Variants in ACVR2A observed in about 807,000 individuals in gnomAD.
The protein encoded by ACVR2A is activin receptor type-2A.
ACVR2A carries 7 observed loss-of-function variants against 61.4 expected under a neutral mutation model. The ratio of observed to expected loss-of-function variants is 0.11; its 90% CI spans 0.06 to 0.21. ACVR2A has a LOEUF of 0.21. ACVR2A is among the 10% of genes least tolerant of loss of function. ACVR2A has a pLI of 1.00. For synonymous variants in ACVR2A, 193 were observed against 208.3 expected (o/e 0.93, Z 0.63); for missense variants, 322 against 621.7 (o/e 0.52, Z 5.13).
At chr2:147,897,533 A>G (rs1686768201) in intron 2 of ACVR2A, among the ~76,000 whole-genome samples, 3 of 152,178 alleles carry the variant, frequency 2.0e-5, no homozygotes, top group African/African-American at 7.2e-5. Context: ...GAAGACAGGC[A>G]GAAGCTGTGA....
chr2:147,859,539 A>G (rs895715591), intron 1 of ACVR2A, among the ~76,000 whole-genome samples: 3 of 151,996 alleles, frequency 2.0e-5, no homozygotes, highest in African/African-American at 7.3e-5. Flanking sequence ...CACCCATAGC[A>G]TAGTATTGTT....
chr2:147,889,467 G>T (rs149048420), intron 1 of ACVR2A, among the ~76,000 whole-genome samples: 2 of 152,046 alleles, frequency 1.3e-5, no homozygotes, highest in African/African-American at 4.8e-5. Flanking sequence ...ACTTTTGGCC[G>T]GGCGCAGTGG....
intron 1 of ACVR2A, among the ~76,000 whole-genome samples, chr2:147,878,384 T>C (rs1686211816): frequency 6.6e-6 from 1 of 152,142 alleles, no homozygotes; most frequent in African/African-American, 2.4e-5. Context: ...TTGAAAGGTG[T>C]TGGGTTGAGA....
chr2:147,850,166 C>G (rs1161105991), intron 1 of ACVR2A, among the ~76,000 whole-genome samples: 2 of 152,114 alleles, frequency 1.3e-5, no homozygotes, highest in African/African-American at 4.8e-5. Flanking sequence ...CCATTTTCCT[C>G]CCTTCTTTGT....
At chr2:147,847,772 T>G (rs1685349370) in intron 1 of ACVR2A, among the ~76,000 whole-genome samples, 1 of 152,242 alleles carries the variant, frequency 6.6e-6, no homozygotes, top group South Asian at 2.1e-4. Flanking sequence ...TTTTCATTCC[T>G]CTCATACTTT....
intron 1 of ACVR2A, among the ~76,000 whole-genome samples, chr2:147,869,385 A>G (rs1685954864): frequency 6.6e-6 from 1 of 152,116 alleles, no homozygotes; most frequent in Admixed American, 6.6e-5. Flanking sequence ...TTAAGCCAAT[A>G]ATCTAGTTTA....
chr2:147,893,005 C>A (rs1337127694), intron 1 of ACVR2A, among the ~76,000 whole-genome samples: 1 of 152,056 alleles, frequency 6.6e-6, no homozygotes, highest in Admixed American at 6.6e-5. Flanking sequence ...ATAATACACC[C>A]TAGTCAAGGC....
intron 1 of ACVR2A, among the ~76,000 whole-genome samples, chr2:147,854,001 G>A (rs774091586): frequency 2.6e-5 from 4 of 152,130 alleles, no homozygotes; most frequent in Non-Finnish European, 5.9e-5. Flanking sequence ...AGCTGGTCCA[G>A]AGTAGATCTT....
chr2:147,845,239 G>C (rs1483586710), intron 1 of ACVR2A, 32 bp downstream of exon 1: 2 of 1,604,768 alleles, frequency 1.2e-6, no homozygotes, highest in Non-Finnish European at 8.5e-7. Context: ...CGGTGGGGCT[G>C]CTCCTGCGGC....
At chr2:147,891,454 C>G (rs1030585293) in intron 1 of ACVR2A, among the ~76,000 whole-genome samples, 3 of 151,234 alleles carry the variant, frequency 2.0e-5, no homozygotes. Flanking sequence ...TGGCAGACCG[C>G]ACAACCTATG....
intron 1 of ACVR2A, among the ~76,000 whole-genome samples, chr2:147,857,961 C>T (rs13034494): frequency 0.28 from 42,796 of 151,836 alleles, 6,467 homozygotes; most frequent in East Asian, 0.46. Flanking sequence ...AGTTATTTTT[C>T]CTGATCCTCT....
chr2:147,913,902 T>A (rs1195658493), intron 4 of ACVR2A, among the ~76,000 whole-genome samples: 1 of 147,530 alleles, frequency 6.8e-6, no homozygotes, highest in African/African-American at 2.5e-5. Context: ...TCTTACTGTT[T>A]AAACAGGAAT....
At position 147,899,774 on chromosome 2, in the gene ACVR2A, C is replaced by G; in HGVS notation, c.404C>G (p.Pro135Arg). The G allele has an allele frequency of 1.2e-6, 2 of 1,613,618 alleles. No individual in the cohort carries two copies. Among genetic ancestry groups the G allele is most frequent in the Non-Finnish European group, 1.7e-6 (2 of 1,179,692 alleles). The change falls in exon 4 of 11, where the codon CCC (proline) becomes CGC (arginine). Residue 135 changes from proline (P) to arginine (R), a missense_variant. Physicochemically the swap from Pro to Arg is moderately radical, Grantham distance 103. Transcript: ENST00000241416. ...TCAAATCCAGTTACACCTAAGCCAC[C>G]CTATTACAACATCCTGCTCTATTCC... ...PTSNPVTPKP[P>R]YYNILLYSLV...
At chr2:147,860,408 T>G (rs1449628697) in intron 1 of ACVR2A, among the ~76,000 whole-genome samples, 1 of 151,916 alleles carries the variant, frequency 6.6e-6, no homozygotes, top group Non-Finnish European at 1.5e-5. Context: ...CAAGCAGAAG[T>G]CTTGGCTGTG....
Position 147,883,998 on chromosome 2 carries a change from T to A in ACVR2A, c.56-12303T>A, listed in dbSNP as rs116661180. 4.0e-3 allele frequency among the ~76,000 whole-genome samples: 604 copies of A among 152,290 alleles called. 10 individuals carry two copies. Among genetic ancestry groups the A allele is most frequent in the African/African-American group, 0.014 (563 of 41,562 alleles). On this transcript the variant is annotated intron_variant, in intron 1 of 10. Coordinates refer to ENST00000241416, the MANE Select transcript of ACVR2A (RefSeq NM_001616.5). The stretch of plus-strand genomic sequence containing the variant: ...GCACTAAACAAACCCTTAATGTAGG[T>A]AGTGTCTTTTCAGTGTAATTGACAC...
chr2:147,930,347 G>GTT lies in ACVR2A; in HGVS notation c.*3079_*3080dup, dbSNP rs1046712692. ...GTTTAGTGGAATAAACTGATTACTGGTTTTTTTGTTTTTTTTTTTTTTTTT... is the reference window on the plus strand; with the variant it reads ...GTTTAGTGGAATAAACTGATTACTGGTTTTTTTTTGTTTTTTTTTTTTTTTTT... On this transcript the variant is annotated 3_prime_UTR_variant, in exon 11 of 11. Coordinates refer to ENST00000241416, the MANE Select transcript of ACVR2A (RefSeq NM_001616.5). 2 of 121,934 alleles carry GTT rather than the reference G, an allele frequency of 1.6e-5. No individual in the cohort carries two copies. The highest frequency in any genetic ancestry group is 2.5e-4 in the South Asian group (1 of 3,924). 7.6% of individuals were successfully genotyped at this position (121,934 alleles called of 1,614,324 possible). A position where few individuals can be genotyped will look rare whatever the true frequency, so the allele number is the denominator to read the frequency against.
intron 1 of ACVR2A, among the ~76,000 whole-genome samples, chr2:147,871,137 G>C (rs1461073009): frequency 6.6e-6 from 1 of 151,974 alleles, no homozygotes; most frequent in Admixed American, 6.6e-5. Flanking sequence ...TACAAGCTCA[G>C]TCTCCTGTCC....
In ACVR2A at chr2:147,903,523, T is replaced by C. The variant is rs115752514; in HGVS notation, c.528+3625T>C. Among the ~76,000 whole-genome samples the C allele has an allele frequency of 7.8e-3, 1,190 of 152,066 alleles. 13 individuals are homozygous for C. Among genetic ancestry groups the C allele is most frequent in the Admixed American group, 0.033 (507 of 15,238 alleles). On this transcript the variant is annotated intron_variant, in intron 4 of 10. Transcript: ENST00000241416. ...ACTATTGCCAGAATAGCATTTTACATGTTTGATTATGTTACTTATGTGCTT... is the reference window on the plus strand; with the variant it reads ...ACTATTGCCAGAATAGCATTTTACACGTTTGATTATGTTACTTATGTGCTT...
Position 147,917,517 on chromosome 2 carries a change from A to G in ACVR2A, c.816+91A>G, listed in dbSNP as rs1191909437. 4 of 1,349,340 alleles carry G rather than the reference A, an allele frequency of 3.0e-6. No individual in the cohort carries two copies. The Middle Eastern group carries it at 5.5e-4, about 184-fold the overall frequency. The allele number at this position is 1,349,340 out of a possible 1,614,324, so 83.6% of individuals were successfully genotyped here. A position where few individuals can be genotyped will look rare whatever the true frequency, so the allele number is the denominator to read the frequency against. ...AAATCCCTCAGAGTTATTTTTCGAG[A>G]CATCTTATAGTTGATTAATATTTAA... On this transcript the variant is annotated intron_variant, in intron 6 of 10. Coordinates refer to ENST00000241416, the MANE Select transcript of ACVR2A (RefSeq NM_001616.5).
Sources: gnomAD v4.1 joint callset for allele counts (sites outside exome capture counted in the v4.1 genomes callset) on GRCh38, gnomAD v4.1.1 for gene constraint, MANE v1.5 for transcripts, NCBI Gene and HGNC (gene_info 2026-07-23, HGNC 2026-07-21) for gene names.